OCA2: variants seen among roughly 807,000 people sequenced by gnomAD.
OCA2 encodes OCA2 melanosomal transmembrane protein.
OCA2 carries 77 observed loss-of-function variants against 100.2 expected under a neutral mutation model. That is an observed-to-expected ratio of 0.77 (90% CI 0.64 to 0.93). The LOEUF (loss-of-function observed/expected upper bound fraction) is 0.93, where lower values mean the gene tolerates loss of function less well. OCA2 is among the 40% of genes least tolerant of loss of function. OCA2 has a pLI of 0.00. For synonymous variants in OCA2, 432 were observed against 439.2 expected (o/e 0.98, Z 0.21); for missense variants, 1,062 against 1,089.1 (o/e 0.98, Z 0.35).
intron 9 of OCA2, among the ~76,000 whole-genome samples, chr15:28,013,390 G>A (rs1566795983): frequency 6.6e-6 from 1 of 152,108 alleles, no homozygotes; most frequent in Admixed American, 6.5e-5. Context: ...ACTCAGCTTC[G>A]GGACTATTCC....
chr15:27,849,710 G>C (rs2035677261), intron 22 of OCA2, among the ~76,000 whole-genome samples: 1 of 152,166 alleles, frequency 6.6e-6, no homozygotes, highest in South Asian at 2.1e-4. Flanking sequence ...GCCTGGGCTG[G>C]TGAAAAGAGC....
rs1247575036 is a variant in OCA2, at chr15:27,957,356, G to A, written c.1784+232C>T. 4.6e-5 allele frequency among the ~76,000 whole-genome samples: 7 copies of A among 152,108 alleles called. No homozygotes were observed. The highest frequency in any genetic ancestry group is 9.7e-5 in the African/African-American group (4 of 41,426). ...CGAGCTGCACAACCCTGGGCACGCC[G>A]CTCAAATTCTCTGAGCCTCTGGTTT... On this transcript the variant is annotated intron_variant, in intron 16 of 23. Coordinates refer to ENST00000354638, the MANE Select transcript of OCA2 (RefSeq NM_000275.3). The surrounding 1 kb of genome is among the most constrained non-coding windows in gnomAD (Gnocchi z 4.3).
chr15:28,096,586 G>A (rs1188516221), intron 1 of OCA2, among the ~76,000 whole-genome samples: 1 of 152,158 alleles, frequency 6.6e-6, no homozygotes, highest in Admixed American at 6.5e-5. Context: ...GCAGTGTAGG[G>A]TGCGGTGCCC....
chr15:27,974,629 G>A lies in OCA2; in HGVS notation c.1504-7807C>T, dbSNP rs568951004. On this transcript the variant is annotated intron_variant, in intron 14 of 23. Coordinates refer to ENST00000354638, the MANE Select transcript of OCA2 (RefSeq NM_000275.3). ...CTAAAAATATAAAAATTAGCCAGGC[G>A]TGGTGGTATGCACCTGTAATCCCAG... 1.4e-4 allele frequency among the ~76,000 whole-genome samples: 21 copies of A among 152,242 alleles called. No individual in the cohort carries two copies. The East Asian group carries it at 2.3e-3, about 17-fold the overall frequency.
intron 18 of OCA2, among the ~76,000 whole-genome samples, chr15:27,938,136 A>G (rs1032028669): frequency 5.9e-5 from 9 of 152,238 alleles, no homozygotes; most frequent in African/African-American, 2.2e-4. Context: ...TGATGACATA[A>G]TATGATGTGA....
intron 23 of OCA2, among the ~76,000 whole-genome samples, chr15:27,816,304 G>A (rs1042871000): frequency 5.3e-5 from 8 of 152,266 alleles, no homozygotes; most frequent in Non-Finnish European, 7.4e-5. Flanking sequence ...GAATGTTCAC[G>A]CAGAATCATC....
intron 19 of OCA2, among the ~76,000 whole-genome samples, chr15:27,904,349 TG>T (rs972937389): frequency 4.1e-4 from 63 of 152,270 alleles, no homozygotes; most frequent in African/African-American, 1.5e-3. Context: ...CCGACCATGC[TG>T]GGGCCTAAGA....
At chr15:28,055,311 T>G (rs1035077786) in intron 2 of OCA2, among the ~76,000 whole-genome samples, 2 of 152,190 alleles carry the variant, frequency 1.3e-5, no homozygotes, top group African/African-American at 4.8e-5. Context: ...ACATATTTGT[T>G]TTTTCACATA....
intron 19 of OCA2, among the ~76,000 whole-genome samples, chr15:27,892,102 A>C (rs984025383): frequency 6.6e-6 from 1 of 152,164 alleles, no homozygotes; most frequent in South Asian, 2.1e-4. Context: ...AGAAAAAACA[A>C]ATTCATGTTT....
chr15:28,029,652 G>T (rs1219133169), intron 3 of OCA2, among the ~76,000 whole-genome samples: 1 of 152,178 alleles, frequency 6.6e-6, no homozygotes, highest in African/African-American at 2.4e-5. Context: ...CCAGTTGTCA[G>T]TTCAGATACA....
At chr15:27,805,739 T>A (rs1051323198) in intron 23 of OCA2, among the ~76,000 whole-genome samples, 7 of 151,966 alleles carry the variant, frequency 4.6e-5, no homozygotes, top group Non-Finnish European at 1.0e-4. Context: ...AGGTGCACAG[T>A]GAGCGCTGCC....
rs368820230 is a variant in OCA2, at chr15:27,778,310, A to G, written c.2433-22838T>C. ...GTAGAGTTCTCGCTAGGCAGCATTC[A>G]TTCTTCTGTTTCTAAAACGAGCTCA... On this transcript the variant is annotated intron_variant, in intron 23 of 23. Coordinates refer to ENST00000354638, the MANE Select transcript of OCA2 (RefSeq NM_000275.3). 1.2e-3 allele frequency among the ~76,000 whole-genome samples: 179 copies of G among 152,332 alleles called. 1 individual carries two copies. The highest frequency in any genetic ancestry group is 4.2e-3 in the African/African-American group (175 of 41,584).
intron 4 of OCA2, 49 bp downstream of exon 4, chr15:28,027,822 G>T (rs780229201): frequency 6.3e-7 from 1 of 1,591,462 alleles, no homozygotes; most frequent in Non-Finnish European, 8.6e-7. Flanking sequence ...TGTAGGACGC[G>T]ATGTGCGGCC....
At chr15:28,048,109 G>T (rs934713821) in intron 2 of OCA2, among the ~76,000 whole-genome samples, 1 of 152,116 alleles carries the variant, frequency 6.6e-6, no homozygotes, top group Non-Finnish European at 1.5e-5. Flanking sequence ...ATAACTGAAA[G>T]AAATTAAAGA....
chr15:27,882,009 G>A (rs942963547), intron 19 of OCA2, among the ~76,000 whole-genome samples: 1 of 152,154 alleles, frequency 6.6e-6, no homozygotes, highest in African/African-American at 2.4e-5. Flanking sequence ...TGGGCATTTG[G>A]TGCTGTAAAT....
intron 19 of OCA2, among the ~76,000 whole-genome samples, chr15:27,886,559 G>A (rs1204468753): frequency 6.6e-6 from 1 of 152,130 alleles, no homozygotes; most frequent in Non-Finnish European, 1.5e-5. Flanking sequence ...AAAACAAGAT[G>A]CAAAGAAACT....
intron 23 of OCA2, among the ~76,000 whole-genome samples, chr15:27,818,258 G>A (rs374778306): frequency 1.2e-3 from 189 of 152,146 alleles, no homozygotes; most frequent in African/African-American, 4.2e-3. Context: ...GCATGGTGGC[G>A]CATGCCTGTA....
chr15:28,093,291 G>C (rs1454555980), intron 1 of OCA2, among the ~76,000 whole-genome samples: 1 of 151,884 alleles, frequency 6.6e-6, no homozygotes, highest in Admixed American at 6.6e-5. Context: ...GTGTGGTGGC[G>C]GGCGCCTGTA....
At chr15:27,896,851 T>C (rs2037713652) in intron 19 of OCA2, among the ~76,000 whole-genome samples, 1 of 152,148 alleles carries the variant, frequency 6.6e-6, no homozygotes, top group Non-Finnish European at 1.5e-5. Context: ...AAGCCGAATG[T>C]TAATTCCCAA....
Sources: allele counts gnomAD v4.1 joint callset (sites outside exome capture counted in the v4.1 genomes callset), GRCh38; gene constraint gnomAD v4.1.1; non-coding constraint Gnocchi (gnomAD v3.1); transcripts MANE v1.5; gene names NCBI Gene and HGNC (gene_info 2026-07-23, HGNC 2026-07-21).